The following PTPRD variants were observed in gnomAD, a reference collection of about 807,000 sequenced individuals.
The protein encoded by PTPRD is receptor-type tyrosine-protein phosphatase delta.
Under a neutral mutation model 214.5 loss-of-function variants are expected in PTPRD, and 34 were observed. The ratio of observed to expected loss-of-function variants is 0.16; its 90% CI spans 0.12 to 0.21. PTPRD has a LOEUF of 0.21. Ranked by LOEUF, PTPRD falls within the 10% of genes least tolerant of loss-of-function variation. The pLI is 1.00. For synonymous variants in PTPRD, 1,128 were observed against 845.7 expected (o/e 1.33, Z -5.79); for missense variants, 2,545 against 2,398.7 (o/e 1.06, Z -1.27).
intron 10 of PTPRD, among the ~76,000 whole-genome samples, chr9:9,037,989 G>A (rs1048808666): frequency 6.6e-6 from 1 of 152,120 alleles, no homozygotes; most frequent in East Asian, 1.9e-4. Flanking sequence ...TATAAAATGA[G>A]AATAACTTCA....
chr9:10,351,980 T>C (rs907875520), intron 2 of PTPRD, among the ~76,000 whole-genome samples: 2 of 151,982 alleles, frequency 1.3e-5, no homozygotes, highest in Non-Finnish European at 2.9e-5. Flanking sequence ...GCCAATTAAC[T>C]GTGGAGGCAT....
At chr9:9,707,577 C>T (rs2097648234) in intron 7 of PTPRD, among the ~76,000 whole-genome samples, 1 of 151,976 alleles carries the variant, frequency 6.6e-6, no homozygotes, top group African/African-American at 2.4e-5. Context: ...TCTAGGATAC[C>T]ATCTCTAAAA....
chr9:9,546,689 T>C (rs1795306867), intron 8 of PTPRD, among the ~76,000 whole-genome samples: 1 of 151,918 alleles, frequency 6.6e-6, no homozygotes, highest in African/African-American at 2.4e-5. Context: ...TTTATAGTAA[T>C]AATAATTACT....
At chr9:9,509,803 T>A (rs199940369) in intron 8 of PTPRD, among the ~76,000 whole-genome samples, 17 of 149,338 alleles carry the variant, frequency 1.1e-4, no homozygotes, top group African/African-American at 3.4e-4. Flanking sequence ...CCTTTTTATT[T>A]AAAAAAAAAA....
At chr9:9,763,698 A>G (rs1389134465) in intron 6 of PTPRD, among the ~76,000 whole-genome samples, 3 of 152,104 alleles carry the variant, frequency 2.0e-5, no homozygotes, top group Non-Finnish European at 4.4e-5. Context: ...CAATCTGTAC[A>G]CTTACTGCTA....
chr9:9,707,541 CG>C (rs1665438687), intron 7 of PTPRD, among the ~76,000 whole-genome samples: 1 of 151,928 alleles, frequency 6.6e-6, no homozygotes, highest in East Asian at 1.9e-4. Context: ...GGAATAACAG[CG>C]TGATTATTGT....
intron 8 of PTPRD, among the ~76,000 whole-genome samples, chr9:9,559,908 C>T (rs1186743169): frequency 6.6e-6 from 1 of 152,216 alleles, no homozygotes. Context: ...TTCACTTCCA[C>T]TGACCAGCTT....
At chr9:9,637,969 T>C (rs1238093544) in intron 7 of PTPRD, among the ~76,000 whole-genome samples, 3 of 152,178 alleles carry the variant, frequency 2.0e-5, no homozygotes, top group Non-Finnish European at 4.4e-5. Flanking sequence ...TTACAGCTCA[T>C]GCCTTAGGTC....
At chr9:8,327,969 C>A (rs1794412960) in intron 44 of PTPRD, among the ~76,000 whole-genome samples, 1 of 151,860 alleles carries the variant, frequency 6.6e-6, no homozygotes, top group South Asian at 2.1e-4. Context: ...TCCTCTTTAT[C>A]CAATTGGCCA....
intron 8 of PTPRD, among the ~76,000 whole-genome samples, chr9:9,563,753 G>T (rs961058730): frequency 3.3e-5 from 5 of 152,116 alleles, no homozygotes; most frequent in Admixed American, 2.6e-4. Context: ...GTTTGAAAGA[G>T]ATCATTAATA....
At chr9:9,324,718 G>A (rs1345603382) in intron 9 of PTPRD, among the ~76,000 whole-genome samples, 1 of 152,000 alleles carries the variant, frequency 6.6e-6, no homozygotes, top group East Asian at 1.9e-4. Context: ...TGTCTATTTT[G>A]GCTTTTGTTG....
intron 3 of PTPRD, among the ~76,000 whole-genome samples, chr9:10,139,703 TG>T (rs1564069721): frequency 6.6e-6 from 1 of 151,918 alleles, no homozygotes; most frequent in Admixed American, 6.6e-5. Context: ...CACTGGCCAG[TG>T]GAACAGAATA....
chr9:9,991,965 C>T (rs2095949221), intron 4 of PTPRD, among the ~76,000 whole-genome samples: 1 of 151,956 alleles, frequency 6.6e-6, no homozygotes, highest in East Asian at 1.9e-4. Flanking sequence ...TGACACAATG[C>T]TACAACATAA....
chr9:10,155,153 C>T (rs2099085421), intron 3 of PTPRD, among the ~76,000 whole-genome samples: 1 of 152,036 alleles, frequency 6.6e-6, no homozygotes, highest in African/African-American at 2.4e-5. Flanking sequence ...CATTCTAGAG[C>T]TCTTTCACCT....
At position 9,057,797 on chromosome 9, in the gene PTPRD, T is replaced by C. The variant is rs532638093; in HGVS notation, c.-142-39062A>G. ...TAATTTAGATCTTTAATTCCAACAT[T>C]TTCCTACTGCCACTAAGCATGCTTC... On this transcript the variant is annotated intron_variant, in intron 10 of 45. Coordinates refer to ENST00000381196, the MANE Select transcript of PTPRD (RefSeq NM_002839.4). Among the ~76,000 whole-genome samples the C allele has an allele frequency of 2.6e-5, 4 of 152,286 alleles. No homozygotes were observed. In the South Asian group the frequency reaches 6.2e-4, roughly 24 times the overall value.
At chr9:8,329,694 T>C (rs944014908) in intron 44 of PTPRD, among the ~76,000 whole-genome samples, 1 of 152,134 alleles carries the variant, frequency 6.6e-6, no homozygotes, top group Non-Finnish European at 1.5e-5. Flanking sequence ...GGGGCTGCTG[T>C]CTTTCTTTCA....
At chr9:9,192,299 A>T (rs574727062) in intron 9 of PTPRD, among the ~76,000 whole-genome samples, 216 of 152,250 alleles carry the variant, frequency 1.4e-3, no homozygotes, top group Non-Finnish European at 2.4e-3. Context: ...CAAAAAAAAT[A>T]AACTTGAGAG....
intron 10 of PTPRD, among the ~76,000 whole-genome samples, chr9:9,122,712 C>A (rs1029987288): frequency 6.6e-6 from 1 of 152,148 alleles, no homozygotes; most frequent in Non-Finnish European, 1.5e-5. Flanking sequence ...CTGTGTTTCT[C>A]ATTTAGCTAC....
intron 9 of PTPRD, among the ~76,000 whole-genome samples, chr9:9,192,214 A>C (rs2099935670): frequency 6.6e-6 from 1 of 151,762 alleles, no homozygotes; most frequent in African/African-American, 2.4e-5. Context: ...TAAATTTTAT[A>C]TAGCAAAGAT....
Sources: gnomAD v4.1 joint callset for allele counts (sites outside exome capture counted in the v4.1 genomes callset) on GRCh38, gnomAD v4.1.1 for gene constraint, MANE v1.5 for transcripts, NCBI Gene and HGNC (gene_info 2026-07-23, HGNC 2026-07-21) for gene names.